Variants in RFX3 observed in about 807,000 individuals in gnomAD.
The protein encoded by RFX3 is regulatory factor X3, also known as transcription factor RFX3.
A neutral mutation model predicts 98.6 loss-of-function variants in RFX3; 14 were observed. That is an observed-to-expected ratio of 0.14 (90% CI 0.09 to 0.22). The LOEUF (loss-of-function observed/expected upper bound fraction) is 0.22, where lower values mean the gene tolerates loss of function less well. Among genes scored for constraint, RFX3 ranks in the 10% least tolerant of loss-of-function variants. RFX3 has a pLI of 1.00. For synonymous variants in RFX3, 383 were observed against 328.4 expected, an observed-to-expected ratio of 1.17 and a Z score of -1.80; for missense variants, 639 against 926.9, an observed-to-expected ratio of 0.69 and a Z score of 4.03.
chr9:3,337,541 A>G lies in RFX3; in HGVS notation c.216-7024T>C, dbSNP rs574536896. Among the ~76,000 whole-genome samples, 14 of 152,316 alleles carry G rather than the reference A, an allele frequency of 9.2e-5. No homozygotes were observed. The South Asian group carries it at 2.9e-3, about 32-fold the overall frequency. ...GGCACAAAGCAATGGAAATGGTGAC[A>G]CACTGTAAGAGACATGTCATGTTTA... On this transcript the variant is annotated intron_variant, in intron 3 of 16. Transcript: ENST00000617270.
At chr9:3,346,538 T>A (rs1834457576) in intron 3 of RFX3, 129 bp downstream of exon 3, 5 of 576,790 alleles carry the variant, frequency 8.7e-6, no homozygotes, top group Non-Finnish European at 1.5e-5. Flanking sequence ...CAGCTTAATT[T>A]CAATAACTGT....
intron 1 of RFX3, among the ~76,000 whole-genome samples, chr9:3,398,572 T>C (rs1406396567): frequency 6.6e-6 from 1 of 152,172 alleles, no homozygotes; most frequent in Non-Finnish European, 1.5e-5. Context: ...AGTGTACAGA[T>C]GAGGAAGACA....
At chr9:3,232,364 C>G (rs1818583964) in intron 15 of RFX3, among the ~76,000 whole-genome samples, 1 of 152,124 alleles carries the variant, frequency 6.6e-6, no homozygotes, top group Admixed American at 6.5e-5. Flanking sequence ...TTCCTGGCAG[C>G]CCTATCTTGA....
intron 14 of RFX3, among the ~76,000 whole-genome samples, chr9:3,251,416 T>C (rs1821380794): frequency 6.6e-6 from 1 of 152,132 alleles, no homozygotes; most frequent in Non-Finnish European, 1.5e-5. Flanking sequence ...GATGCCATTA[T>C]AGTTCACTGC....
At chr9:3,300,394 C>A (rs865893980) in intron 5 of RFX3, among the ~76,000 whole-genome samples, 16 of 151,478 alleles carry the variant, frequency 1.1e-4, no homozygotes, top group Admixed American at 2.6e-4. Flanking sequence ...AAAAAAGAAA[C>A]AAGACAAAAT....
intron 15 of RFX3, among the ~76,000 whole-genome samples, chr9:3,232,119 A>G (rs1315291395): frequency 6.6e-6 from 1 of 151,214 alleles, no homozygotes; most frequent in East Asian, 1.9e-4. Flanking sequence ...GATTTAGATG[A>G]AAAAAAAAGG....
At chr9:3,360,131 ACTAT>A (rs1186544864) in intron 2 of RFX3, among the ~76,000 whole-genome samples, 4 of 152,136 alleles carry the variant, frequency 2.6e-5, no homozygotes, top group African/African-American at 9.7e-5. Flanking sequence ...TACTATTTGT[ACTAT>A]CTAAGCACTT....
At chr9:3,382,532 C>A (rs1839301831) in intron 2 of RFX3, among the ~76,000 whole-genome samples, 1 of 152,100 alleles carries the variant, frequency 6.6e-6, no homozygotes, top group South Asian at 2.1e-4. Context: ...AACTGGCTAA[C>A]TATAATTTTT....
chr9:3,242,778 G>T (rs1486592058), intron 15 of RFX3, among the ~76,000 whole-genome samples: 6 of 151,746 alleles, frequency 4.0e-5, no homozygotes, highest in Non-Finnish European at 5.9e-5. Flanking sequence ...ATGTTAAATT[G>T]TTACAGGTTA....
intron 15 of RFX3, among the ~76,000 whole-genome samples, chr9:3,233,339 G>A (rs1586667042): frequency 6.6e-6 from 1 of 152,190 alleles, no homozygotes. Flanking sequence ...ATCTATACCT[G>A]AGCATACTGA....
chr9:3,276,567 C>T (rs1181654934), intron 8 of RFX3, among the ~76,000 whole-genome samples: 2 of 152,110 alleles, frequency 1.3e-5, no homozygotes, highest in East Asian at 3.8e-4. Flanking sequence ...AACCCTAGGA[C>T]TTCAGTCTGA....
rs376045027 is a variant in RFX3 at position 3,351,020 on chromosome 9, A to T, written c.118-4256T>A. Among the ~76,000 whole-genome samples, 27 of 152,212 alleles carry T rather than the reference A, an allele frequency of 1.8e-4. No homozygotes were observed. The East Asian group carries it at 3.1e-3, about 17-fold the overall frequency. On this transcript the variant is annotated intron_variant, in intron 2 of 16. Transcript: ENST00000617270. ...TGCATGATACTGTAATGGTGGATAC[A>T]TGTCATTATACATTTGTTCAAAACC...
At chr9:3,333,947 G>T (rs1160755117) in intron 3 of RFX3, among the ~76,000 whole-genome samples, 4 of 152,084 alleles carry the variant, frequency 2.6e-5, no homozygotes, top group Admixed American at 1.3e-4. Context: ...ACTCCATGAG[G>T]TAGGTGCTGT....
At chr9:3,353,218 G>T in intron 2 of RFX3, among the ~76,000 whole-genome samples, 3 of 130,440 alleles carry the variant, frequency 2.3e-5, no homozygotes, top group Non-Finnish European at 3.2e-5. Context: ...GAGGGGGGAG[G>T]GATAGCATTA....
chr9:3,416,375 A>G (rs936014782), intron 1 of RFX3, among the ~76,000 whole-genome samples: 1 of 152,190 alleles, frequency 6.6e-6, no homozygotes, highest in Admixed American at 6.5e-5. Context: ...AACTGACCTA[A>G]AGACGGGTAT....
At chr9:3,420,140 G>A (rs535224547) in intron 1 of RFX3, among the ~76,000 whole-genome samples, 70 of 152,268 alleles carry the variant, frequency 4.6e-4, no homozygotes, top group African/African-American at 1.6e-3. Context: ...GTGAGCCAGC[G>A]TACATTAAAG....
chr9:3,235,656 C>G (rs1464221638), intron 15 of RFX3, among the ~76,000 whole-genome samples: 1 of 152,024 alleles, frequency 6.6e-6, no homozygotes, highest in Non-Finnish European at 1.5e-5. Flanking sequence ...TGTCACCATT[C>G]CTTGGTTTCT....
At chr9:3,456,226 A>C (rs1396886046) in intron 1 of RFX3, among the ~76,000 whole-genome samples, 1 of 152,212 alleles carries the variant, frequency 6.6e-6, no homozygotes, top group African/African-American at 2.4e-5. Context: ...GAGGAGACAC[A>C]TTCAAACCAT....
Position 3,218,807 on chromosome 9 carries a change from T to C in RFX3, c.*6235A>G, listed in dbSNP as rs1817199701. The C allele has an allele frequency of 6.6e-6, 1 of 152,132 alleles. No homozygotes were observed. The highest frequency in any genetic ancestry group is 1.5e-5 in the Non-Finnish European group (1 of 68,004). 9.4% of individuals were successfully genotyped at this position (152,132 alleles called of 1,614,324 possible). ...ATAATATATTCAGTCGATTGTAAAA[T>C]AAATGTTCAAATATCTCCTAGTGTT... On this transcript the variant is annotated 3_prime_UTR_variant, in exon 17 of 17. Coordinates refer to ENST00000617270, the MANE Select transcript of RFX3 (RefSeq NM_001282116.2).
Sources: allele counts gnomAD v4.1 joint callset (sites outside exome capture counted in the v4.1 genomes callset), GRCh38; gene constraint gnomAD v4.1.1; transcripts MANE v1.5; gene names NCBI Gene and HGNC (gene_info 2026-07-23, HGNC 2026-07-21).